WDR41: variants seen among roughly 807,000 people sequenced by gnomAD.
WDR41 encodes WD repeat domain 41.
A neutral mutation model predicts 69.3 loss-of-function variants in WDR41; 63 were observed. That is an observed-to-expected ratio of 0.91 (90% confidence interval 0.74 to 1.12). The LOEUF (loss-of-function observed/expected upper bound fraction) is 1.12, where lower values mean the gene tolerates loss of function less well. WDR41 is among the 50% of genes most tolerant of loss of function. The pLI is 0.00. For synonymous variants in WDR41, 185 were observed against 192.1 expected, an observed-to-expected ratio of 0.96 and a Z score of 0.31; for missense variants, 543 against 534.5, an observed-to-expected ratio of 1.02 and a Z score of -0.16.
At chr5:77,568,226 T>C (rs1049832875) in intron 1 of WDR41, among the ~76,000 whole-genome samples, 2 of 152,166 alleles carry the variant, frequency 1.3e-5, no homozygotes, top group African/African-American at 4.8e-5. Context: ...GCCAGAATAC[T>C]ATTCTGCCAT....
chr5:77,542,144 A>C (rs1278773598), intron 1 of WDR41, among the ~76,000 whole-genome samples: 2 of 152,200 alleles, frequency 1.3e-5, no homozygotes, highest in Admixed American at 6.5e-5. Flanking sequence ...GCTGGAAGCC[A>C]TTATCCTCAG....
At chr5:77,609,532 T>C (rs1744499597) in intron 1 of WDR41, among the ~76,000 whole-genome samples, 1 of 152,220 alleles carries the variant, frequency 6.6e-6, no homozygotes, top group Non-Finnish European at 1.5e-5. Flanking sequence ...CTGCTGCTGA[T>C]ACCCAGGCAA....
At chr5:77,436,230 G>C in intron 12 of WDR41, 31 bp downstream of exon 12, 4 of 1,597,740 alleles carry the variant, frequency 2.5e-6, no homozygotes, top group Non-Finnish European at 3.4e-6. Flanking sequence ...AGCAGGAGTT[G>C]CTTGGACATT....
chr5:77,468,644 T>C (rs771963550), intron 2 of WDR41, among the ~76,000 whole-genome samples: 2 of 152,302 alleles, frequency 1.3e-5, no homozygotes, highest in Non-Finnish European at 2.9e-5. Flanking sequence ...ACATAAAAAG[T>C]ATAGTCCATA....
chr5:77,619,070 G>A (rs1744729498), intron 1 of WDR41, among the ~76,000 whole-genome samples: 1 of 152,112 alleles, frequency 6.6e-6, no homozygotes, highest in South Asian at 2.1e-4. Context: ...CTACAAAATA[G>A]AACTCAAAGT....
intron 1 of WDR41, among the ~76,000 whole-genome samples, chr5:77,602,940 CT>C (rs576335451): frequency 0.082 from 11,269 of 137,006 alleles, 434 homozygotes; most frequent in Middle Eastern, 0.17. Context: ...ATTTTTTTGT[CT>C]TTTTTTTTTT....
rs1347674110 is a variant in WDR41, at chr5:77,477,272, GA to G, written c.167+12184del. ...CAACATTAGACAGATCAACGAGACA[GA>G]AAGCCAACAAGGATACCCAGGAATT... On this transcript the variant is annotated intron_variant, in intron 2 of 12. Transcript: ENST00000296679. Among the ~76,000 whole-genome samples, 4 of 151,200 alleles carry G rather than the reference GA, an allele frequency of 2.6e-5. No homozygotes were observed. The East Asian group carries it at 7.7e-4, about 29-fold the overall frequency.
At chr5:77,475,549 C>A (rs570741974) in intron 2 of WDR41, among the ~76,000 whole-genome samples, 1 of 152,180 alleles carries the variant, frequency 6.6e-6, no homozygotes, top group African/African-American at 2.4e-5. Context: ...AGGCACCCCC[C>A]AGAAGGGAGA....
chr5:77,464,403 G>T (rs1409426318), intron 3 of WDR41, among the ~76,000 whole-genome samples: 2 of 146,664 alleles, frequency 1.4e-5, no homozygotes, highest in Non-Finnish European at 3.0e-5. Context: ...GTGCCACTAT[G>T]CCCAGCTGAT....
intron 1 of WDR41, chr5:77,582,723 A>G: frequency 1.3e-6 from 2 of 1,591,796 alleles, no homozygotes; most frequent in Admixed American, 1.7e-5. Flanking sequence ...GCCTTCGTCA[A>G]ATCTTCAATG....
intron 1 of WDR41, among the ~76,000 whole-genome samples, chr5:77,601,767 C>T (rs1260639798): frequency 6.6e-6 from 1 of 152,212 alleles, no homozygotes; most frequent in Non-Finnish European, 1.5e-5. Context: ...AATTCCTCCC[C>T]AGTTCCTTTT....
chr5:77,542,972 T>C lies in WDR41; in HGVS notation c.43-53400A>G, dbSNP rs149413877. Among the ~76,000 whole-genome samples the C allele has an allele frequency of 1.2e-3, 182 of 152,214 alleles. 1 individual carries two copies. Among genetic ancestry groups the C allele is most frequent in the African/African-American group, 4.1e-3 (171 of 41,526 alleles). On this transcript the variant is annotated intron_variant, in intron 1 of 5. Coordinates refer to the WDR41 transcript ENST00000509971. ...CTGAGAGACCCACAGACAGTTCACA[T>C]CACAGTACTCTGTGCAGATAACCCC...
At chr5:77,485,698 T>A (rs1801486594) in intron 2 of WDR41, among the ~76,000 whole-genome samples, 2 of 152,212 alleles carry the variant, frequency 1.3e-5, no homozygotes, top group Admixed American at 6.5e-5. Flanking sequence ...CTTAACCTTC[T>A]TTAGTGATCT....
chr5:77,591,891 T>A (rs1012873050), intron 1 of WDR41, among the ~76,000 whole-genome samples: 2 of 152,158 alleles, frequency 1.3e-5, no homozygotes, highest in African/African-American at 4.8e-5. Context: ...TGTAATTATA[T>A]CAATTGAATT....
chr5:77,552,984 G>A (rs1369444384), intron 1 of WDR41, among the ~76,000 whole-genome samples: 2 of 152,232 alleles, frequency 1.3e-5, no homozygotes, highest in African/African-American at 4.8e-5. Flanking sequence ...CGCTAAGCCA[G>A]TAGTTGCCAG....
chr5:77,611,911 A>G (rs1321741568), intron 1 of WDR41, among the ~76,000 whole-genome samples: 3 of 152,098 alleles, frequency 2.0e-5, no homozygotes, highest in Admixed American at 1.3e-4. Flanking sequence ...TAATAAAGAA[A>G]AAAAGAGAGA....
chr5:77,618,549 T>A (rs1402178865), intron 1 of WDR41, among the ~76,000 whole-genome samples: 1 of 152,058 alleles, frequency 6.6e-6, no homozygotes, highest in Non-Finnish European at 1.5e-5. Context: ...ATTTTTGTAT[T>A]TTTAGTAGAG....
intron 1 of WDR41, among the ~76,000 whole-genome samples, chr5:77,606,658 C>A (rs557832643): frequency 6.6e-6 from 1 of 151,702 alleles, no homozygotes; most frequent in Non-Finnish European, 1.5e-5. Flanking sequence ...AAAAAATTAT[C>A]CAGGTGTGGT....
At chr5:77,614,948 G>GGAAA (rs781344461) in intron 1 of WDR41, among the ~76,000 whole-genome samples, 1 of 151,598 alleles carries the variant, frequency 6.6e-6, no homozygotes, top group Non-Finnish European at 1.5e-5. Context: ...GAAGAGAGAA[G>GGAAA]GAAACTATGC....
Sources: gnomAD v4.1 joint callset for allele counts (sites outside exome capture counted in the v4.1 genomes callset) on GRCh38, gnomAD v4.1.1 for gene constraint, MANE v1.5 for transcripts, NCBI Gene and HGNC (gene_info 2026-07-23, HGNC 2026-07-21) for gene names.